The following PSD3 variants were observed in gnomAD, a reference collection of about 807,000 sequenced individuals.
PSD3 encodes pleckstrin and Sec7 domain containing 3.
PSD3 carries 49 observed loss-of-function variants against 105.5 expected under a neutral mutation model. That is an observed-to-expected ratio of 0.46 (90% CI 0.37 to 0.59). The LOEUF is 0.59. PSD3 is among the 20% of genes least tolerant of loss of function. The pLI, the probability that PSD3 is intolerant of heterozygous loss-of-function variation, is 0.00. For synonymous variants in PSD3, 557 were observed against 457.8 expected (o/e 1.22, Z -2.77); for missense variants, 1,561 against 1,263.8 (o/e 1.24, Z -3.57).
At chr8:18,903,702 C>A (rs1819657513) in intron 2 of PSD3, among the ~76,000 whole-genome samples, 1 of 152,172 alleles carries the variant, frequency 6.6e-6, no homozygotes, top group African/African-American at 2.4e-5. Context: ...TCAGCTCAGG[C>A]CTGGGGGCCT....
intron 1 of PSD3, among the ~76,000 whole-genome samples, chr8:18,994,248 T>C (rs1280329732): frequency 1.8e-5 from 1 of 55,840 alleles, no homozygotes; most frequent in Admixed American, 1.6e-4. Context: ...TAGGTCCTCA[T>C]CTCTGTTAGC....
At chr8:18,663,645 T>C (rs994360768) in intron 9 of PSD3, among the ~76,000 whole-genome samples, 2 of 152,208 alleles carry the variant, frequency 1.3e-5, no homozygotes, top group Non-Finnish European at 2.9e-5. Flanking sequence ...CTGGCTGTTG[T>C]GTCTCAGAGA....
At chr8:18,795,929 C>G (rs1185065311) in intron 8 of PSD3, among the ~76,000 whole-genome samples, 1 of 152,062 alleles carries the variant, frequency 6.6e-6, no homozygotes, top group Non-Finnish European at 1.5e-5. Context: ...GAAAGAAACT[C>G]TAGAGTTTAA....
intron 15 of PSD3, among the ~76,000 whole-genome samples, chr8:18,543,914 G>C (rs948033936): frequency 2.0e-5 from 3 of 151,948 alleles, no homozygotes; most frequent in African/African-American, 7.3e-5. Flanking sequence ...TTTGACCTCT[G>C]ATACATGAAT....
chr8:18,826,798 T>C (rs926029223), intron 4 of PSD3, among the ~76,000 whole-genome samples: 5 of 152,200 alleles, frequency 3.3e-5, no homozygotes, highest in Admixed American at 2.6e-4. Context: ...GAGATGAATA[T>C]TTCTAAAGCC....
At chr8:18,636,953 T>C (rs184232701) in intron 10 of PSD3, among the ~76,000 whole-genome samples, 3 of 152,312 alleles carry the variant, frequency 2.0e-5, no homozygotes, top group African/African-American at 7.2e-5. Flanking sequence ...TATTTGTGTA[T>C]CCATCCAACC....
chr8:18,900,820 C>T (rs992152067), intron 2 of PSD3, among the ~76,000 whole-genome samples: 1 of 151,950 alleles, frequency 6.6e-6, no homozygotes, highest in African/African-American at 2.4e-5. Flanking sequence ...TAATACAACA[C>T]ATAATTTACT....
At chr8:18,902,621 G>T (rs1456682093) in intron 2 of PSD3, among the ~76,000 whole-genome samples, 1 of 152,122 alleles carries the variant, frequency 6.6e-6, no homozygotes, top group Admixed American at 6.5e-5. Flanking sequence ...GATGTCTGGT[G>T]GAACGGTAGC....
intron 12 of PSD3, among the ~76,000 whole-genome samples, chr8:18,581,374 G>T (rs1224843733): frequency 6.6e-6 from 1 of 151,806 alleles, no homozygotes. Context: ...GGTACTCTTG[G>T]GCTCAGGGGC....
intron 1 of PSD3, among the ~76,000 whole-genome samples, chr8:19,079,237 C>G (rs1489494158): frequency 6.6e-6 from 1 of 152,070 alleles, no homozygotes; most frequent in Non-Finnish European, 1.5e-5. Flanking sequence ...TTTATTTATT[C>G]AAGTAATAAA....
Position 18,899,193 on chromosome 8 carries a change from T to C in PSD3, c.131-26460A>G, listed in dbSNP as rs534044902. Reference sequence around the variant, plus strand: ...AAGCACTCATCTCCAGCAATTCATCTTCTGTTAACTTCTCTGGTGTGATAC... The same window carrying C: ...AAGCACTCATCTCCAGCAATTCATCCTCTGTTAACTTCTCTGGTGTGATAC... On this transcript the variant is annotated intron_variant, in intron 2 of 15. Coordinates refer to ENST00000327040, the MANE Select transcript of PSD3 (RefSeq NM_015310.4). Among the ~76,000 whole-genome samples, 40 of 152,290 alleles carry C rather than the reference T, an allele frequency of 2.6e-4. 1 individual carries two copies. Among genetic ancestry groups the C allele is most frequent in the Middle Eastern group, 3.4e-3 (1 of 294 alleles).
chr8:18,802,592 T>C (rs559219591), intron 6 of PSD3, among the ~76,000 whole-genome samples: 1 of 152,322 alleles, frequency 6.6e-6, no homozygotes, highest in Non-Finnish European at 1.5e-5. Context: ...ACTGTTTTTG[T>C]TAGAAAATCT....
chr8:18,770,127 C>G (rs530077527), intron 8 of PSD3, among the ~76,000 whole-genome samples: 1 of 152,306 alleles, frequency 6.6e-6, no homozygotes, highest in East Asian at 1.9e-4. Context: ...TCCCTCCAAC[C>G]TCACAGACAC....
At chr8:18,574,467 C>G (rs1296409462) in intron 13 of PSD3, among the ~76,000 whole-genome samples, 2 of 152,132 alleles carry the variant, frequency 1.3e-5, no homozygotes, top group Admixed American at 6.6e-5. Flanking sequence ...TGTTAACCAT[C>G]CCATTCCTAC....
intron 2 of PSD3, among the ~76,000 whole-genome samples, chr8:18,918,752 A>T (rs1347375980): frequency 1.3e-5 from 2 of 151,966 alleles, no homozygotes; most frequent in Non-Finnish European, 2.9e-5. Context: ...TTCCAGTTCC[A>T]CCAACCTGTC....
chr8:18,977,873 C>T (rs568871157), intron 1 of PSD3, among the ~76,000 whole-genome samples: 9 of 152,178 alleles, frequency 5.9e-5, no homozygotes, highest in Middle Eastern at 3.4e-3. Context: ...TTTTAACTGT[C>T]GTAATTTATT....
intron 10 of PSD3, among the ~76,000 whole-genome samples, chr8:18,651,228 G>T (rs1808452817): frequency 6.6e-6 from 1 of 152,166 alleles, no homozygotes; most frequent in Non-Finnish European, 1.5e-5. Context: ...GCATCTCCCT[G>T]TAACCCAAGG....
intron 2 of PSD3, among the ~76,000 whole-genome samples, chr8:18,880,924 C>T (rs539124837): frequency 1.3e-5 from 2 of 152,296 alleles, no homozygotes; most frequent in South Asian, 2.1e-4. Flanking sequence ...TCATACTTTA[C>T]TGCGTGTATT....
chr8:18,617,138 G>A (rs1805752529), intron 11 of PSD3, among the ~76,000 whole-genome samples: 1 of 152,108 alleles, frequency 6.6e-6, no homozygotes, highest in Non-Finnish European at 1.5e-5. Context: ...TGATGGGGAA[G>A]TTTTTTTCCT....
Sources: allele counts gnomAD v4.1 joint callset (sites outside exome capture counted in the v4.1 genomes callset), GRCh38; gene constraint gnomAD v4.1.1; transcripts MANE v1.5; gene names NCBI Gene and HGNC (gene_info 2026-07-23, HGNC 2026-07-21).